The following ARHGAP42 variants were observed in gnomAD, a reference collection of about 807,000 sequenced individuals.
ARHGAP42 encodes the protein Rho GTPase activating protein 42.
A neutral mutation model predicts 125.0 loss-of-function variants in ARHGAP42; 63 were observed. The observed-to-expected ratio is 0.50, with a 90% CI of 0.41 to 0.62. The LOEUF (loss-of-function observed/expected upper bound fraction) is 0.62. ARHGAP42 is among the 20% of genes least tolerant of loss of function. The probability of loss-of-function intolerance (pLI) is 0.00; values close to 1 mark genes in which losing one functional copy is unlikely to be tolerated. For missense variants in ARHGAP42, 766 were observed against 1,024.2 expected (o/e 0.75, Z 3.44); for synonymous variants, 339 against 351.0 (o/e 0.97, Z 0.38).
intron 3 of ARHGAP42, among the ~76,000 whole-genome samples, chr11:100,840,291 AGTAATGGT>A (rs1237265177): frequency 6.6e-6 from 1 of 152,104 alleles, no homozygotes; most frequent in East Asian, 1.9e-4. Context: ...CACTTTTGTC[AGTAATGGT>A]GATTTTCTAT....
chr11:100,802,879 G>C (rs1160518168), intron 3 of ARHGAP42, among the ~76,000 whole-genome samples: 1 of 152,058 alleles, frequency 6.6e-6, no homozygotes, highest in African/African-American at 2.4e-5. Context: ...TGTCATGATT[G>C]GCTCCCTCTT....
intron 4 of ARHGAP42, among the ~76,000 whole-genome samples, chr11:100,874,526 T>A (rs1469247845): frequency 6.6e-6 from 1 of 152,160 alleles, no homozygotes; most frequent in African/African-American, 2.4e-5. Context: ...CGCAAAGGTC[T>A]TTGACTGTAA....
intron 2 of ARHGAP42, among the ~76,000 whole-genome samples, chr11:100,788,336 A>G (rs1231878161): frequency 6.6e-6 from 1 of 152,204 alleles, no homozygotes; most frequent in Non-Finnish European, 1.5e-5. Flanking sequence ...CATTGTGGAG[A>G]ACCAGACTTA....
intron 17 of ARHGAP42, among the ~76,000 whole-genome samples, chr11:100,967,926 G>A (rs1020187290): frequency 2.6e-5 from 4 of 152,040 alleles, no homozygotes; most frequent in South Asian, 4.1e-4. Context: ...GTTTCACCAC[G>A]TTGGCCAGGA....
intron 6 of ARHGAP42, among the ~76,000 whole-genome samples, chr11:100,928,795 A>G (rs1269806154): frequency 2.6e-5 from 4 of 152,152 alleles, no homozygotes; most frequent in Non-Finnish European, 5.9e-5. Context: ...TAATACTGAA[A>G]CACCACTAAT....
chr11:100,691,726 G>T (rs1861194987), intron 1 of ARHGAP42, among the ~76,000 whole-genome samples: 1 of 151,992 alleles, frequency 6.6e-6, no homozygotes. Context: ...CCTTGAGGTT[G>T]TCCAGGCTGG....
At chr11:100,750,106 A>G (rs1176050427) in intron 1 of ARHGAP42, among the ~76,000 whole-genome samples, 1 of 152,178 alleles carries the variant, frequency 6.6e-6, no homozygotes, top group Non-Finnish European at 1.5e-5. Flanking sequence ...CCAGAGGGGA[A>G]TGTAATCCTG....
chr11:100,751,279 GTTTT>G (rs71465331), intron 1 of ARHGAP42, among the ~76,000 whole-genome samples: 1 of 93,478 alleles, frequency 1.1e-5, no homozygotes, highest in Non-Finnish European at 2.0e-5. Flanking sequence ...GTGTGTGTGT[GTTTT>G]TTTTTTTTTT....
chr11:100,811,474 G>A (rs1864140244), intron 3 of ARHGAP42, among the ~76,000 whole-genome samples: 1 of 150,478 alleles, frequency 6.6e-6, no homozygotes, highest in South Asian at 2.1e-4. Context: ...GGTGATCTAT[G>A]TTGCTTCTGC....
chr11:100,706,948 T>A (rs1861490073), intron 1 of ARHGAP42, among the ~76,000 whole-genome samples: 1 of 152,236 alleles, frequency 6.6e-6, no homozygotes, highest in Non-Finnish European at 1.5e-5. Flanking sequence ...CCAATATACT[T>A]TCTGTTTCTA....
At chr11:100,897,162 T>G (rs1163237585) in intron 4 of ARHGAP42, among the ~76,000 whole-genome samples, 1 of 152,206 alleles carries the variant, frequency 6.6e-6, no homozygotes, top group East Asian at 1.9e-4. Context: ...ATGTGTGGTG[T>G]TATTTCTGAG....
chr11:100,932,385 A>C (rs1192944651), intron 6 of ARHGAP42, among the ~76,000 whole-genome samples: 1 of 152,194 alleles, frequency 6.6e-6, no homozygotes, highest in African/African-American at 2.4e-5. Flanking sequence ...TGTGAAATAA[A>C]ATCCCTGTGA....
chr11:100,792,744 G>A (rs2135028337), intron 2 of ARHGAP42, among the ~76,000 whole-genome samples: 1 of 126,626 alleles, frequency 7.9e-6, no homozygotes, highest in East Asian at 2.4e-4. Flanking sequence ...CAATTGACTT[G>A]GAATTTTCTT....
chr11:100,953,302 T>C (rs1299962102), intron 12 of ARHGAP42, among the ~76,000 whole-genome samples: 1 of 152,198 alleles, frequency 6.6e-6, no homozygotes, highest in Non-Finnish European at 1.5e-5. Flanking sequence ...CTTCCACTTA[T>C]TCTAAAATAC....
At chr11:100,722,479 C>A (rs1861777444) in intron 1 of ARHGAP42, among the ~76,000 whole-genome samples, 1 of 151,560 alleles carries the variant, frequency 6.6e-6, no homozygotes, top group African/African-American at 2.4e-5. Context: ...CAACCTGCAC[C>A]TCCCAGGTTC....
intron 1 of ARHGAP42, among the ~76,000 whole-genome samples, chr11:100,759,249 G>A (rs1224385203): frequency 2.0e-5 from 3 of 152,044 alleles, no homozygotes; most frequent in East Asian, 1.9e-4. Context: ...ACATCTCATC[G>A]GCTTGATTTG....
intron 12 of ARHGAP42, among the ~76,000 whole-genome samples, 199 bp from the exon 13 acceptor site, chr11:100,959,684 T>C (rs145028818): frequency 6.6e-6 from 1 of 152,192 alleles, no homozygotes; most frequent in Non-Finnish European, 1.5e-5. Context: ...CTTAGCAGGT[T>C]GATACAATAG....
intron 6 of ARHGAP42, among the ~76,000 whole-genome samples, chr11:100,928,055 T>C (rs1867475629): frequency 1.3e-5 from 2 of 152,234 alleles, no homozygotes; most frequent in African/African-American, 4.8e-5. Flanking sequence ...GTAGTCATTT[T>C]GAAGGTATCC....
chr11:100,722,203 G>A (rs772114661), intron 1 of ARHGAP42, among the ~76,000 whole-genome samples: 1 of 152,014 alleles, frequency 6.6e-6, no homozygotes. Flanking sequence ...ATATAACATT[G>A]AGCATCTTTA....
Sources: allele counts gnomAD v4.1 joint callset (sites outside exome capture counted in the v4.1 genomes callset), GRCh38; gene constraint gnomAD v4.1.1; transcripts MANE v1.5; gene names NCBI Gene and HGNC (gene_info 2026-07-23, HGNC 2026-07-21).